The following SIPA1L3 variants were observed in gnomAD, a reference collection of about 807,000 sequenced individuals.
SIPA1L3 encodes signal-induced proliferation-associated 1-like protein 3.
A neutral mutation model predicts 150.1 loss-of-function variants in SIPA1L3; 59 were observed. That is an observed-to-expected ratio of 0.39 (90% CI 0.32 to 0.49). SIPA1L3 has a LOEUF of 0.49. Among genes scored for constraint, SIPA1L3 ranks in the 20% least tolerant of loss-of-function variants. The pLI is 0.86. For synonymous variants in SIPA1L3, 1,070 were observed against 1,077.6 expected (o/e 0.99, Z 0.14); for missense variants, 2,211 against 2,489.5 (o/e 0.89, Z 2.38).
At chr19:38,140,126 C>T (rs1971539061) in intron 10 of SIPA1L3, among the ~76,000 whole-genome samples, 1 of 152,170 alleles carries the variant, frequency 6.6e-6, no homozygotes, top group Non-Finnish European at 1.5e-5. Context: ...CCAGGGAATT[C>T]AGGAGACACT....
At chr19:38,152,607 G>A (rs1442817965) in intron 12 of SIPA1L3, among the ~76,000 whole-genome samples, 4 of 152,074 alleles carry the variant, frequency 2.6e-5, no homozygotes, top group Non-Finnish European at 4.4e-5. Context: ...GCCTTGCCCC[G>A]CCGCCACCAG....
chr19:37,973,827 A>C (rs187030097), intron 1 of SIPA1L3, among the ~76,000 whole-genome samples: 5 of 152,254 alleles, frequency 3.3e-5, no homozygotes, highest in African/African-American at 1.2e-4. Flanking sequence ...CTGTGCAGTA[A>C]GATGTGTGGT....
chr19:38,006,689 C>T (rs1047566570), intron 1 of SIPA1L3, among the ~76,000 whole-genome samples: 4 of 152,138 alleles, frequency 2.6e-5, no homozygotes, highest in African/African-American at 9.7e-5. Context: ...CAGGCTTCTC[C>T]GGAGCTAGTG....
intron 2 of SIPA1L3, among the ~76,000 whole-genome samples, chr19:38,059,703 T>C (rs1017032560): frequency 6.6e-6 from 1 of 152,076 alleles, no homozygotes; most frequent in Non-Finnish European, 1.5e-5. Context: ...AAGCAAGCAC[T>C]CAGGTAACCC....
chr19:37,912,113 T>C (rs1175528197), intron 1 of SIPA1L3, among the ~76,000 whole-genome samples: 1 of 151,826 alleles, frequency 6.6e-6, no homozygotes, highest in African/African-American at 2.4e-5. Context: ...GATGAGAGCC[T>C]GTAATCCCAG....
intron 10 of SIPA1L3, among the ~76,000 whole-genome samples, 164 bp from the exon 11 acceptor site, chr19:38,141,020 T>C (rs1018761631): frequency 2.9e-5 from 4 of 137,914 alleles, no homozygotes; most frequent in Non-Finnish European, 1.5e-5. Context: ...ATCATGCCGC[T>C]GTACTCCAGC....
At chr19:38,100,228 G>T in intron 5 of SIPA1L3, 78 bp downstream of exon 5, 1 of 1,163,364 alleles carries the variant, frequency 8.6e-7, no homozygotes, top group Non-Finnish European at 1.2e-6. Flanking sequence ...TTTCTATCTT[G>T]GTCACTTTCT....
chr19:37,947,840 A>T (rs561739627), intron 1 of SIPA1L3, among the ~76,000 whole-genome samples: 2 of 152,144 alleles, frequency 1.3e-5, no homozygotes, highest in Non-Finnish European at 2.9e-5. Context: ...TTTCTTGCCA[A>T]ATCTCCCTTT....
intron 15 of SIPA1L3, among the ~76,000 whole-genome samples, chr19:38,166,715 T>G (rs1972219505): frequency 2.0e-5 from 3 of 152,050 alleles, no homozygotes; most frequent in Non-Finnish European, 4.4e-5. Context: ...CATCCCTTCC[T>G]GACCATGCCT....
At chr19:38,003,191 A>G (rs1207326950) in intron 1 of SIPA1L3, among the ~76,000 whole-genome samples, 2 of 152,182 alleles carry the variant, frequency 1.3e-5, no homozygotes, top group African/African-American at 4.8e-5. Flanking sequence ...TTCAGTAAAC[A>G]TCAACTGAAG....
At chr19:38,206,026 T>C in intron 21 of SIPA1L3, 71 bp from the exon 22 acceptor site, 1 of 1,460,274 alleles carries the variant, frequency 6.8e-7, no homozygotes, top group African/African-American at 1.4e-5. Flanking sequence ...CTCACAGGCC[T>C]CAGGGAGCCA....
chr19:38,090,330 CAAA>C (rs55941671), intron 4 of SIPA1L3, among the ~76,000 whole-genome samples: 4 of 70,334 alleles, frequency 5.7e-5, no homozygotes, highest in Non-Finnish European at 5.9e-5. Flanking sequence ...AACTCCATCT[CAAA>C]AAAAAAAAAA....
chr19:37,965,000 G>A (rs1389707153), intron 1 of SIPA1L3, among the ~76,000 whole-genome samples: 1 of 152,088 alleles, frequency 6.6e-6, no homozygotes, highest in Non-Finnish European at 1.5e-5. Flanking sequence ...TTCCAGAATT[G>A]TTCATTTCTC....
intron 1 of SIPA1L3, among the ~76,000 whole-genome samples, chr19:38,005,426 T>C (rs981816745): frequency 1.3e-5 from 2 of 151,990 alleles, no homozygotes; most frequent in African/African-American, 4.8e-5. Flanking sequence ...ATGCACCATG[T>C]CTTCGCCTTG....
At chr19:38,026,697 G>A (rs1226769977) in intron 1 of SIPA1L3, among the ~76,000 whole-genome samples, 1 of 152,136 alleles carries the variant, frequency 6.6e-6, no homozygotes, top group Non-Finnish European at 1.5e-5. Flanking sequence ...TCTCGTTGAG[G>A]GGTTCTTAAT....
intron 18 of SIPA1L3, 134 bp from the exon 19 acceptor site, chr19:38,198,253 ACT>A (rs1159703490): frequency 9.7e-7 from 1 of 1,028,440 alleles, no homozygotes; most frequent in Non-Finnish European, 1.3e-6. Flanking sequence ...AGGCTCCAGC[ACT>A]CCCAGACCCC....
chr19:38,158,980 C>T (rs894529680), intron 13 of SIPA1L3, among the ~76,000 whole-genome samples: 3 of 152,164 alleles, frequency 2.0e-5, no homozygotes, highest in Non-Finnish European at 4.4e-5. Context: ...TTTTTGAGGC[C>T]GGATGTGACT....
chr19:38,182,796 G>A (rs1007739730), intron 16 of SIPA1L3, 56 bp downstream of exon 16: 20 of 1,391,890 alleles, frequency 1.4e-5, no homozygotes, highest in Admixed American at 4.0e-5. Context: ...GGGCGTCTCC[G>A]GGGCGGAAAG....
chr19:38,124,995 A>AGAGAGGGAGAGGGAGACAGTGGGGAGAGG (rs1971139119), intron 9 of SIPA1L3, among the ~76,000 whole-genome samples: 1 of 103,078 alleles, frequency 9.7e-6, no homozygotes. Context: ...GACTGTGGAA[A>AGAGAGGGAGAGGGAGACAGTGGGGAGAGG]GAGAGGGAGA....
Sources: allele counts gnomAD v4.1 joint callset (sites outside exome capture counted in the v4.1 genomes callset), GRCh38; gene constraint gnomAD v4.1.1; transcripts MANE v1.5; gene names NCBI Gene and HGNC (gene_info 2026-07-23, HGNC 2026-07-21).